IL1A: variants seen among roughly 807,000 people sequenced by gnomAD.
IL1A encodes the protein interleukin 1 alpha, also known as interleukin-1 alpha.
Under a neutral mutation model 22.2 loss-of-function variants are expected in IL1A, and 16 were observed. That is an observed-to-expected ratio of 0.72 (90% CI 0.49 to 1.09). IL1A has a LOEUF of 1.09. Among genes scored for constraint, IL1A ranks in the 50% least tolerant of loss-of-function variants. The probability of loss-of-function intolerance (pLI) is 0.00; values close to 1 mark genes in which losing one functional copy is unlikely to be tolerated. For missense variants in IL1A, 317 were observed against 321.8 expected (o/e 0.99, Z 0.11); for synonymous variants, 113 against 118.5 (o/e 0.95, Z 0.30).
At chr2:112,777,291 T>C (rs911700735) in intron 6 of IL1A, among the ~76,000 whole-genome samples, 2 of 152,220 alleles carry the variant, frequency 1.3e-5, no homozygotes, top group Non-Finnish European at 2.9e-5. Context: ...AATGAGTTCA[T>C]GAATGAAGCT....
In IL1A at chr2:112,783,719, C is replaced by A. The variant is rs772492962; in HGVS notation, c.47+5G>T. 19 of 1,611,148 alleles carry A rather than the reference C, an allele frequency of 1.2e-5. No individual in the cohort carries two copies. Among genetic ancestry groups the A allele is most frequent in the Non-Finnish European group, 1.6e-5 (19 of 1,177,242 alleles). On this transcript the variant is annotated splice_donor_5th_base_variant and intron_variant, in intron 2 of 6. Transcript: ENST00000263339. The stretch of plus-strand genomic sequence containing the variant: ...AAATCACAAGAGATAAATCTTATTC[C>A]TTACCTGTAACAGTTCTTCAGGTCT...
In IL1A at chr2:112,774,513, A is replaced by G. The variant is rs1273117447; in HGVS notation, c.*554T>C. On this transcript the variant is annotated 3_prime_UTR_variant, in exon 7 of 7. Coordinates refer to ENST00000263339, the MANE Select transcript of IL1A (RefSeq NM_000575.5). ...ATCTTGAGGCTCGGCTTCAAGAAGT[A>G]TTTTACCAAAATGACCTCCCTGATT... is the stretch of plus-strand genomic sequence containing the variant. 1.3e-5 allele frequency: 2 copies of G among 152,032 alleles called. No homozygotes were observed. Among genetic ancestry groups the G allele is most frequent in the Non-Finnish European group, 2.9e-5 (2 of 67,996 alleles). The allele number at this position is 152,032 out of a possible 1,614,324, so 9.4% of individuals were successfully genotyped here. A position where few individuals can be genotyped will look rare whatever the true frequency, so the allele number is the denominator to read the frequency against.
chr2:112,775,077 T>C lies in IL1A; in HGVS notation c.806A>G (p.Asn269Ser). 6.2e-7 allele frequency: 1 copy of C among 1,613,856 alleles called. No individual in the cohort carries two copies. The highest frequency in any genetic ancestry group is 8.5e-7 in the Non-Finnish European group (1 of 1,179,802). Residue 269 changes from asparagine (N) to serine (S), a missense_variant, in exon 7 of 7, where the codon AAC becomes AGC. By Grantham distance (46) the Asn-to-Ser change is conservative (BLOSUM62 1). Transcript: ENST00000263339. ...PSITDFQILE[N>S]QA is the part of the protein sequence containing the mutation. ...AGTGAGACTCCAGACCTACGCCTGG[T>C]TTTCCAGTATCTGAAAGTCAGTGAT...
Position 112,775,139 on chromosome 2 carries a change from T to A in IL1A, c.744A>T (p.Gln248His), listed in dbSNP as rs1178422617. 30 of 1,614,104 alleles carry A rather than the reference T, an allele frequency of 1.9e-5. No individual in the cohort carries two copies. The highest frequency in any genetic ancestry group is 2.5e-5 in the Non-Finnish European group (29 of 1,180,034). Reference sequence around the variant, plus strand: ...CCCCTGCCAAGCACACCCAGTAGTCTTGCTTTGTGGCAATAAACAAGTTTG... The same window carrying A: ...CCCCTGCCAAGCACACCCAGTAGTCATGCTTTGTGGCAATAAACAAGTTTG... ...AHPNLFIATK[Q>H]DYWVCLAGGP... The change falls in exon 7 of 7, where the codon CAA (glutamine) becomes CAT (histidine). Residue 248 changes from glutamine to histidine, a missense_variant. Transcript: ENST00000263339.
At chr2:112,783,478 G>A (rs1211985202) in intron 2 of IL1A, among the ~76,000 whole-genome samples, 3 of 152,174 alleles carry the variant, frequency 2.0e-5, no homozygotes, top group African/African-American at 7.2e-5. Context: ...TATTCATGTA[G>A]GGCTCAGCAG....
rs577404283 is a variant in IL1A at position 112,777,142 on chromosome 2, G to A, written c.615+845C>T. Among the ~76,000 whole-genome samples, 3 of 149,700 alleles carry A rather than the reference G, an allele frequency of 2.0e-5. No individual in the cohort carries two copies. The South Asian group carries it at 6.4e-4, about 32-fold the overall frequency. ...TTTTGCAGCATCTTGCTCTTTTGTT[G>A]GTTGTTTGGGTTGTCTGTTTTCCAT... is the stretch of plus-strand genomic sequence containing the variant. On this transcript the variant is annotated intron_variant, in intron 6 of 6. Coordinates refer to ENST00000263339, the MANE Select transcript of IL1A (RefSeq NM_000575.5).
At chr2:112,779,470 A>C in intron 5 of IL1A, 26 bp downstream of exon 5, 1 of 1,528,460 alleles carries the variant, frequency 6.5e-7, no homozygotes, top group African/African-American at 1.4e-5. Flanking sequence ...AGGATGACAG[A>C]AATGTCTGGT....
chr2:112,775,860 A>T (rs1271573229), intron 6 of IL1A, among the ~76,000 whole-genome samples: 1 of 152,244 alleles, frequency 6.6e-6, no homozygotes, highest in African/African-American at 2.4e-5. Flanking sequence ...TATGAGTAGA[A>T]TTTAACAATA....
chr2:112,783,584 C>G (rs1400395207), intron 2 of IL1A, 140 bp downstream of exon 2: 9 of 662,214 alleles, frequency 1.4e-5, no homozygotes, highest in Non-Finnish European at 2.5e-5. Context: ...CTTCTCTGAA[C>G]CTGCTCTGAC....
chr2:112,782,152 T>G (rs187791773), intron 3 of IL1A, among the ~76,000 whole-genome samples: 1 of 152,338 alleles, frequency 6.6e-6, no homozygotes, highest in Non-Finnish European at 1.5e-5. Flanking sequence ...AAAATCTGCT[T>G]AACAATGCTC....
Position 112,774,830 on chromosome 2 carries a change from T to TA in IL1A, c.*236dup, listed in dbSNP as rs1553444403. 12 of 411,542 alleles carry TA rather than the reference T, an allele frequency of 2.9e-5. No individual in the cohort carries two copies. The highest frequency in any genetic ancestry group is 6.7e-4 in the Middle Eastern group (1 of 1,486). 25.5% of individuals were successfully genotyped at this position (411,542 alleles called of 1,614,324 possible). A position where few individuals can be genotyped will look rare whatever the true frequency, so the allele number is the denominator to read the frequency against. On this transcript the variant is annotated 3_prime_UTR_variant, in exon 7 of 7. Transcript: ENST00000263339. ...GTAGCTCTGGTCCTCCTAAAATTGTTATGAAGAATAATAATTAAAATGATT... is the reference window on the plus strand; with the variant it reads ...GTAGCTCTGGTCCTCCTAAAATTGTTAATGAAGAATAATAATTAAAATGATT...
At chr2:112,779,986 C>T (rs1573253198) in intron 4 of IL1A, among the ~76,000 whole-genome samples, 1 of 150,516 alleles carries the variant, frequency 6.6e-6, no homozygotes, top group Admixed American at 6.6e-5. Context: ...CAGTATTTCC[C>T]GTCTATGTTT....
intron 4 of IL1A, 51 bp from the exon 5 acceptor site, chr2:112,779,717 G>A: frequency 7.3e-7 from 1 of 1,365,624 alleles, no homozygotes; most frequent in Non-Finnish European, 1.0e-6. Context: ...AAACACAGAT[G>A]ATATACACAG....
In IL1A at chr2:112,781,588, G is replaced by T. The variant is rs1011929258; in HGVS notation, c.319+16C>A. The T allele has an allele frequency of 1.3e-6, 2 of 1,588,124 alleles. No individual in the cohort carries two copies. The highest frequency in any genetic ancestry group is 2.7e-5 in the African/African-American group (2 of 74,318). On this transcript the variant is annotated intron_variant, in intron 4 of 6. Transcript: ENST00000263339. ...AAAACTGTAAAAGAAAGATATTATT[G>T]TGCTTGACCCCTTACCTTCCTCTGA...
chr2:112,778,186 TGTGCATG>T, intron 5 of IL1A, 75 bp from the exon 6 acceptor site: 1 of 1,266,614 alleles, frequency 7.9e-7, no homozygotes, highest in Non-Finnish European at 1.1e-6. Context: ...GTAGATTGTG[TGTGCATG>T]GTGTGTGTGT....
At chr2:112,780,146 G>C (rs539610548) in intron 4 of IL1A, among the ~76,000 whole-genome samples, 28 of 152,216 alleles carry the variant, frequency 1.8e-4, no homozygotes, top group Non-Finnish European at 3.7e-4. Context: ...GGAAATAAAG[G>C]GTGAGAGAAA....
intron 1 of IL1A, among the ~76,000 whole-genome samples, 198 bp from the exon 2 acceptor site, chr2:112,783,976 T>C (rs1469723950): frequency 6.6e-6 from 1 of 152,256 alleles, no homozygotes; most frequent in Non-Finnish European, 1.5e-5. Flanking sequence ...AAACTTCTTT[T>C]AGAATGTTTT....
In IL1A at chr2:112,781,760, T is replaced by G; in HGVS notation, c.163A>C (p.Ser55Arg). 2.5e-6 allele frequency: 4 copies of G among 1,614,152 alleles called. No homozygotes were observed. Among genetic ancestry groups the G allele is most frequent in the Non-Finnish European group, 3.4e-6 (4 of 1,179,996 alleles). Residue 55 changes from serine (S) to arginine (R), a missense_variant, in exon 4 of 7, where the codon AGT becomes CGT. By Grantham distance (110) the Ser-to-Arg change is moderately radical. Transcript: ENST00000263339. ...GATGTTTTAGAGGTTTCAGAGATAC[T>G]CAGAGACACAGATTGATCCATGCAG... ...EGCMDQSVSL[S>R]ISETSKTSKL...
chr2:112,774,514 T>G lies in IL1A; in HGVS notation c.*553A>C, dbSNP rs1365401517. On this transcript the variant is annotated 3_prime_UTR_variant, in exon 7 of 7. Coordinates refer to ENST00000263339, the MANE Select transcript of IL1A (RefSeq NM_000575.5). Reference sequence around the variant, plus strand: ...TCTTGAGGCTCGGCTTCAAGAAGTATTTTACCAAAATGACCTCCCTGATTA... The same window carrying G: ...TCTTGAGGCTCGGCTTCAAGAAGTAGTTTACCAAAATGACCTCCCTGATTA... The G allele has an allele frequency of 6.6e-6, 1 of 151,946 alleles. No homozygotes were observed. The highest frequency in any genetic ancestry group is 1.9e-4 in the East Asian group (1 of 5,194). The allele number at this position is 151,946 out of a possible 1,614,324, so 9.4% of individuals were successfully genotyped here. A position where few individuals can be genotyped will look rare whatever the true frequency, so the allele number is the denominator to read the frequency against.
Sources: allele counts gnomAD v4.1 joint callset (sites outside exome capture counted in the v4.1 genomes callset), GRCh38; gene constraint gnomAD v4.1.1; transcripts MANE v1.5; gene names NCBI Gene and HGNC (gene_info 2026-07-23, HGNC 2026-07-21).